The following SAMD4A variants were observed in gnomAD, a reference collection of about 807,000 sequenced individuals.
The protein encoded by SAMD4A is sterile alpha motif domain containing 4A.
In SAMD4A, 33 loss-of-function variants were observed where a neutral mutation model predicts 81.3. The observed-to-expected ratio is 0.41, with a 90% CI of 0.31 to 0.54. SAMD4A has a LOEUF of 0.54. Among genes scored for constraint, SAMD4A ranks in the 20% least tolerant of loss-of-function variants. SAMD4A has a pLI of 0.37. For synonymous variants in SAMD4A, 389 were observed against 382.1 expected, an observed-to-expected ratio of 1.02 and a Z score of -0.21; for missense variants, 854 against 951.1, an observed-to-expected ratio of 0.90 and a Z score of 1.34.
chr14:54,732,812 C>T (rs2037590824), intron 3 of SAMD4A, among the ~76,000 whole-genome samples: 1 of 152,034 alleles, frequency 6.6e-6, no homozygotes, highest in African/African-American at 2.4e-5. Context: ...TCCATAAACC[C>T]CCTTATTTCT....
chr14:54,591,978 G>T, intron 2 of SAMD4A, among the ~76,000 whole-genome samples: 1 of 152,014 alleles, frequency 6.6e-6, no homozygotes, highest in East Asian at 1.9e-4. Flanking sequence ...CTTGCTTTGT[G>T]TGCCTTTTTC....
chr14:54,636,687 A>G (rs2035042716), intron 2 of SAMD4A, among the ~76,000 whole-genome samples: 1 of 152,124 alleles, frequency 6.6e-6, no homozygotes, highest in Non-Finnish European at 1.5e-5. Flanking sequence ...CTGACAACAG[A>G]ATTTCCTGGC....
At chr14:54,747,168 G>C (rs906393249) in intron 4 of SAMD4A, among the ~76,000 whole-genome samples, 1 of 152,218 alleles carries the variant, frequency 6.6e-6, no homozygotes. Flanking sequence ...AGGGACTCTT[G>C]CTTGTCATAG....
intron 3 of SAMD4A, among the ~76,000 whole-genome samples, chr14:54,704,214 G>A (rs536654965): frequency 6.6e-6 from 1 of 152,338 alleles, no homozygotes; most frequent in Admixed American, 6.5e-5. Flanking sequence ...AGCAGGAACA[G>A]TTTACTCGTC....
chr14:54,604,863 C>G (rs1393005973), intron 2 of SAMD4A, among the ~76,000 whole-genome samples: 1 of 152,170 alleles, frequency 6.6e-6, no homozygotes, highest in Non-Finnish European at 1.5e-5. Flanking sequence ...CAGAACATTA[C>G]CAGTGTCTTT....
Position 54,774,870 on chromosome 14 carries a change from C to T in SAMD4A, c.1716-64C>T, listed in dbSNP as rs968677669. ...CTCCAAGGCGACATCCCTTGGGAAG[C>T]CTGTGGCTTAAAAAGGGCTGAATAA... On this transcript the variant is annotated intron_variant, in intron 9 of 12. Transcript: ENST00000554335. 6.5e-6 allele frequency: 10 copies of T among 1,533,050 alleles called. No homozygotes were observed. In the East Asian group the frequency reaches 1.8e-4, roughly 28 times the overall value. 95.0% of individuals were successfully genotyped at this position (1,533,050 alleles called of 1,614,324 possible).
chr14:54,782,532 G>T (rs1475452803), intron 11 of SAMD4A, among the ~76,000 whole-genome samples: 1 of 152,100 alleles, frequency 6.6e-6, no homozygotes, highest in East Asian at 1.9e-4. Context: ...GGGGGCGGTG[G>T]AGACTCCTGC....
chr14:54,706,661 G>T (rs1446664883), intron 3 of SAMD4A, among the ~76,000 whole-genome samples: 2 of 152,016 alleles, frequency 1.3e-5, no homozygotes, highest in African/African-American at 4.8e-5. Flanking sequence ...GCAAGCTTTT[G>T]CAGGGGAAAT....
intron 2 of SAMD4A, among the ~76,000 whole-genome samples, chr14:54,603,917 C>T (rs879640368): frequency 9.9e-5 from 15 of 152,204 alleles, no homozygotes; most frequent in Admixed American, 7.8e-4. Context: ...CTCTGCCTCC[C>T]GGGTTCAAGC....
At chr14:54,767,322 G>C (rs1301614002) in intron 8 of SAMD4A, among the ~76,000 whole-genome samples, 1 of 152,144 alleles carries the variant, frequency 6.6e-6, no homozygotes. Flanking sequence ...AGCTGGCTGG[G>C]AGCAGGGAAG....
intron 2 of SAMD4A, among the ~76,000 whole-genome samples, chr14:54,626,059 T>TGTGCGCGCGCGCGC (rs368142521): frequency 3.9e-5 from 4 of 102,096 alleles, no homozygotes; most frequent in Non-Finnish European, 8.0e-5. Context: ...TGTGTGTGTG[T>TGTGCGCGCGCGCGC]GCGCGCGCGC....
rs138254151 is a variant in SAMD4A, at chr14:54,631,132, G to C, written c.196+63020G>C. Among the ~76,000 whole-genome samples, 401 of 152,118 alleles carry C rather than the reference G, an allele frequency of 2.6e-3. 2 individuals are homozygous for C. Among genetic ancestry groups the C allele is most frequent in the African/African-American group, 9.0e-3 (375 of 41,478 alleles). ...AAAGCAGGAAAAGGCTAATGTCCCA[G>C]TTCAAGGGCAGCCAAGCAGGAGGAA... On this transcript the variant is annotated intron_variant, in intron 2 of 12. Transcript: ENST00000554335.
intron 2 of SAMD4A, among the ~76,000 whole-genome samples, chr14:54,596,118 C>T (rs1594709926): frequency 2.0e-5 from 3 of 152,116 alleles, no homozygotes; most frequent in Admixed American, 6.5e-5. Flanking sequence ...GAAGAGTACC[C>T]GTCAGGTCCT....
intron 2 of SAMD4A, among the ~76,000 whole-genome samples, chr14:54,669,386 G>A (rs2035824405): frequency 6.7e-6 from 1 of 150,370 alleles, no homozygotes; most frequent in African/African-American, 2.4e-5. Flanking sequence ...AAGTTTGGCT[G>A]AAACAAGCTG....
Position 54,737,733 on chromosome 14 carries a change from A to G in SAMD4A, c.979+446A>G, listed in dbSNP as rs759873913. On this transcript the variant is annotated intron_variant, in intron 4 of 12. Transcript: ENST00000554335. Reference sequence around the variant, plus strand: ...ATTTTTTTTTTTCCTTTATAAGTCTATGTTAATGCAGAATTGCAGTAGTGC... The same window carrying G: ...ATTTTTTTTTTTCCTTTATAAGTCTGTGTTAATGCAGAATTGCAGTAGTGC... 7.2e-4 allele frequency among the ~76,000 whole-genome samples: 108 copies of G among 151,034 alleles called. 1 individual carries two copies. Among genetic ancestry groups the G allele is most frequent in the Admixed American group, 1.3e-3 (20 of 15,178 alleles).
chr14:54,783,932 G>A (rs2039067874), intron 11 of SAMD4A, among the ~76,000 whole-genome samples: 1 of 152,186 alleles, frequency 6.6e-6, no homozygotes, highest in Non-Finnish European at 1.5e-5. Context: ...AGGGGAGGGG[G>A]ACAGTAGAAA....
At chr14:54,737,561 T>TTTG (rs34263162) in intron 4 of SAMD4A, among the ~76,000 whole-genome samples, 2 of 122,650 alleles carry the variant, frequency 1.6e-5, no homozygotes, top group Admixed American at 1.9e-4. Flanking sequence ...TTTTTTTTTT[T>TTTG]GCATTGCAGT....
chr14:54,687,827 A>G (rs116487055), intron 2 of SAMD4A: 1 of 261,994 alleles, frequency 3.8e-6, no homozygotes, highest in Admixed American at 6.5e-5. Context: ...TTGAGATGTG[A>G]CATGTAAGAT....
chr14:54,605,225 C>T (rs2034167191), intron 2 of SAMD4A, among the ~76,000 whole-genome samples: 1 of 151,888 alleles, frequency 6.6e-6, no homozygotes, highest in South Asian at 2.1e-4. Context: ...GTACAGAAGG[C>T]AAGCTCCCTG....
Sources: gnomAD v4.1 joint callset for allele counts (sites outside exome capture counted in the v4.1 genomes callset) on GRCh38, gnomAD v4.1.1 for gene constraint, MANE v1.5 for transcripts, NCBI Gene and HGNC (gene_info 2026-07-23, HGNC 2026-07-21) for gene names.